CNTNAP2: variants seen among roughly 807,000 people sequenced by gnomAD.
CNTNAP2 encodes contactin associated protein 2.
CNTNAP2 carries 98 observed loss-of-function variants against 155.2 expected under a neutral mutation model. The observed-to-expected ratio is 0.63, with a 90% confidence interval of 0.54 to 0.75. The LOEUF (loss-of-function observed/expected upper bound fraction) is 0.75, where lower values mean the gene tolerates loss of function less well. CNTNAP2 is among the 30% of genes least tolerant of loss of function. The pLI is 0.00. For missense variants in CNTNAP2, 1,727 were observed against 1,688.1 expected (o/e 1.02, Z -0.40); for synonymous variants, 651 against 631.2 (o/e 1.03, Z -0.47).
chr7:147,011,044 C>A (rs1359143067), intron 3 of CNTNAP2, among the ~76,000 whole-genome samples: 4 of 151,996 alleles, frequency 2.6e-5, no homozygotes, highest in Non-Finnish European at 4.4e-5. Flanking sequence ...AAAATACCTA[C>A]CCTGAATTTC....
At chr7:146,837,856 A>G (rs558434726) in intron 2 of CNTNAP2, among the ~76,000 whole-genome samples, 1 of 152,296 alleles carries the variant, frequency 6.6e-6, no homozygotes, top group African/African-American at 2.4e-5. Context: ...GAGGGATTCA[A>G]CAAGGTCTCT....
At chr7:147,722,131 T>C (rs1440403338) in intron 13 of CNTNAP2, among the ~76,000 whole-genome samples, 1 of 152,174 alleles carries the variant, frequency 6.6e-6, no homozygotes, top group Non-Finnish European at 1.5e-5. Flanking sequence ...CCCCAAACCA[T>C]CAGCGTGCCC....
At chr7:146,926,347 C>T (rs1796609396) in intron 3 of CNTNAP2, among the ~76,000 whole-genome samples, 1 of 152,048 alleles carries the variant, frequency 6.6e-6, no homozygotes, top group Admixed American at 6.6e-5. Flanking sequence ...CTTCTTTAGT[C>T]TGTTTTTAGC....
rs1002127727 is a variant in CNTNAP2, at chr7:147,493,691, C to A, written c.1777+7650C>A. 4.6e-5 allele frequency among the ~76,000 whole-genome samples: 7 copies of A among 152,266 alleles called. No individual in the cohort carries two copies. The East Asian group carries it at 1.4e-3, about 29-fold the overall frequency. On this transcript the variant is annotated intron_variant, in intron 11 of 23. Transcript: ENST00000361727. Reference sequence around the variant, plus strand: ...CAGGATTGTGATCTAGGAATAAATTCTATGTATTCTTACCTCTTAGAATCT... The same window carrying A: ...CAGGATTGTGATCTAGGAATAAATTATATGTATTCTTACCTCTTAGAATCT...
intron 3 of CNTNAP2, among the ~76,000 whole-genome samples, chr7:146,889,105 A>G (rs1795729414): frequency 6.6e-6 from 1 of 152,136 alleles, no homozygotes; most frequent in South Asian, 2.1e-4. Context: ...TCACCAGCAC[A>G]CTTATCCCTA....
intron 4 of CNTNAP2, among the ~76,000 whole-genome samples, chr7:147,060,460 C>T (rs1328800060): frequency 1.3e-5 from 2 of 152,144 alleles, no homozygotes; most frequent in East Asian, 1.9e-4. Flanking sequence ...CGATGGCTCA[C>T]GCATGTAATC....
Position 148,415,885 on chromosome 7 carries a change from T to A in CNTNAP2, c.*269T>A, listed in dbSNP as rs1799976138. 1.4e-5 allele frequency: 8 copies of A among 566,786 alleles called. No homozygotes were observed. The highest frequency in any genetic ancestry group is 4.7e-4 in the Middle Eastern group (1 of 2,146). 35.1% of individuals were successfully genotyped at this position (566,786 alleles called of 1,614,324 possible). A position where few individuals can be genotyped will look rare whatever the true frequency, so the allele number is the denominator to read the frequency against. ...TTTAGAGTTTAAGCAATGGTTGAAATTTGTAGGTACTATCTGTCTTATTTT... is the reference window on the plus strand; with the variant it reads ...TTTAGAGTTTAAGCAATGGTTGAAAATTGTAGGTACTATCTGTCTTATTTT... On this transcript the variant is annotated 3_prime_UTR_variant, in exon 24 of 24. Coordinates refer to ENST00000361727, the MANE Select transcript of CNTNAP2 (RefSeq NM_014141.6).
rs565302805 is a variant in CNTNAP2, at chr7:147,866,634, T to C, written c.2099-36931T>C. On this transcript the variant is annotated intron_variant, in intron 13 of 23. Coordinates refer to ENST00000361727, the MANE Select transcript of CNTNAP2 (RefSeq NM_014141.6). ...TGGTTGGGTGCGTATATATTTCGGA[T>C]AGTTAGCTCTTCTTTTTGAATTGCT... 1.6e-3 allele frequency among the ~76,000 whole-genome samples: 237 copies of C among 152,362 alleles called. 1 individual carries two copies. The highest frequency in any genetic ancestry group is 5.3e-3 in the African/African-American group (222 of 41,584).
At chr7:148,343,918 G>A (rs111373435) in intron 21 of CNTNAP2, among the ~76,000 whole-genome samples, 1,864 of 152,282 alleles carry the variant, frequency 0.012, 18 homozygotes, top group Middle Eastern at 0.027. Context: ...TTAGAGATTC[G>A]TAATTCAGTG....
intron 8 of CNTNAP2, among the ~76,000 whole-genome samples, chr7:147,274,602 AT>A (rs1804851747): frequency 6.6e-6 from 1 of 151,844 alleles, no homozygotes. Context: ...ATTTGCAAAT[AT>A]TTTCTTCCAT....
intron 3 of CNTNAP2, among the ~76,000 whole-genome samples, chr7:147,031,226 A>C (rs1799026304): frequency 6.6e-6 from 1 of 152,164 alleles, no homozygotes; most frequent in Non-Finnish European, 1.5e-5. Context: ...TGAAGGATAA[A>C]GAAAAAATTA....
At chr7:146,592,483 T>G (rs1798797732) in intron 1 of CNTNAP2, among the ~76,000 whole-genome samples, 1 of 152,200 alleles carries the variant, frequency 6.6e-6, no homozygotes, top group South Asian at 2.1e-4. Flanking sequence ...TGGATGTATG[T>G]GACACAGTCT....
chr7:147,871,327 C>T (rs926517737), intron 13 of CNTNAP2, among the ~76,000 whole-genome samples: 1 of 152,214 alleles, frequency 6.6e-6, no homozygotes, highest in Non-Finnish European at 1.5e-5. Flanking sequence ...GTCTGTCTGA[C>T]CTGAAGGCCA....
At chr7:147,139,963 T>C (rs1801561382) in intron 8 of CNTNAP2, among the ~76,000 whole-genome samples, 1 of 152,100 alleles carries the variant, frequency 6.6e-6, no homozygotes, top group South Asian at 2.1e-4. Flanking sequence ...TTCTGACTTA[T>C]TTTATTCTGA....
At chr7:147,471,591 T>C (rs1378595215) in intron 10 of CNTNAP2, among the ~76,000 whole-genome samples, 1 of 152,222 alleles carries the variant, frequency 6.6e-6, no homozygotes, top group Admixed American at 6.5e-5. Context: ...AAAGCAAATA[T>C]GCCAAAATAT....
intron 1 of CNTNAP2, among the ~76,000 whole-genome samples, chr7:146,240,511 T>G (rs955728637): frequency 6.6e-6 from 1 of 151,682 alleles, no homozygotes; most frequent in African/African-American, 2.4e-5. Flanking sequence ...TGTCTTATGC[T>G]TATGTACATT....
chr7:146,338,004 G>T (rs192010743), intron 1 of CNTNAP2, among the ~76,000 whole-genome samples: 6 of 152,160 alleles, frequency 3.9e-5, no homozygotes, highest in South Asian at 2.1e-4. Flanking sequence ...TATTCTGAAG[G>T]ATTTGCTTTC....
intron 11 of CNTNAP2, among the ~76,000 whole-genome samples, chr7:147,488,465 T>A (rs1399238905): frequency 3.9e-5 from 6 of 152,222 alleles, no homozygotes; most frequent in African/African-American, 1.4e-4. Context: ...GTAAGTAACA[T>A]AAAATATTTT....
chr7:146,514,448 C>T (rs700288), intron 1 of CNTNAP2, among the ~76,000 whole-genome samples: 4,290 of 152,034 alleles, frequency 0.028, 199 homozygotes, highest in African/African-American at 0.097. Context: ...ACTCTATTTT[C>T]AAGTAGCTTG....
Sources: gnomAD v4.1 joint callset for allele counts (sites outside exome capture counted in the v4.1 genomes callset) on GRCh38, gnomAD v4.1.1 for gene constraint, MANE v1.5 for transcripts, NCBI Gene and HGNC (gene_info 2026-07-23, HGNC 2026-07-21) for gene names.